PDE4D: variants seen among roughly 807,000 people sequenced by gnomAD.
PDE4D encodes the protein phosphodiesterase 4D, also known as 3',5'-cyclic-AMP phosphodiesterase 4D.
In PDE4D, 24 loss-of-function variants were observed where a neutral mutation model predicts 87.4. The observed-to-expected ratio is 0.27, with a 90% CI of 0.20 to 0.39. PDE4D has a LOEUF of 0.39. Ranked by LOEUF, PDE4D falls within the 10% of genes least tolerant of loss-of-function variation. The probability of loss-of-function intolerance (pLI) is 1.00; values close to 1 mark genes in which losing one functional copy is unlikely to be tolerated. For missense variants in PDE4D, 714 were observed against 1,041.0 expected, an observed-to-expected ratio of 0.69 and a Z score of 4.32; for synonymous variants, 384 against 383.2, an observed-to-expected ratio of 1.00 and a Z score of -0.02.
chr5:60,382,555 T>C (rs1561190936), intron 1 of PDE4D, among the ~76,000 whole-genome samples: 1 of 152,212 alleles, frequency 6.6e-6, no homozygotes, highest in Admixed American at 6.5e-5. Flanking sequence ...TATTCTTCTA[T>C]GGAAGAACAT....
intron 1 of PDE4D, among the ~76,000 whole-genome samples, chr5:60,340,986 T>C (rs1316249744): frequency 2.6e-5 from 4 of 152,210 alleles, no homozygotes; most frequent in Non-Finnish European, 5.9e-5. Context: ...AGAGCTGTTT[T>C]ATTATACAAC....
At chr5:59,538,135 A>T (rs973928773) in intron 1 of PDE4D, among the ~76,000 whole-genome samples, 1 of 152,200 alleles carries the variant, frequency 6.6e-6, no homozygotes, top group Non-Finnish European at 1.5e-5. Flanking sequence ...TGTGCAGAAA[A>T]ATTCTGCAAT....
intron 1 of PDE4D, among the ~76,000 whole-genome samples, chr5:60,499,120 A>G (rs1006782069): frequency 6.6e-6 from 1 of 152,204 alleles, no homozygotes; most frequent in Admixed American, 6.5e-5. Flanking sequence ...ATTTTTGTGA[A>G]CCCTTTAGAT....
At chr5:59,775,211 G>A (rs192644139) in intron 1 of PDE4D, among the ~76,000 whole-genome samples, 51 of 152,132 alleles carry the variant, frequency 3.4e-4, no homozygotes, top group African/African-American at 1.1e-3. Flanking sequence ...GCCACTAAAT[G>A]TTTAACATAT....
At chr5:60,088,734 A>C (rs1275772455) in intron 2 of PDE4D, among the ~76,000 whole-genome samples, 1 of 151,340 alleles carries the variant, frequency 6.6e-6, no homozygotes, top group Non-Finnish European at 1.5e-5. Flanking sequence ...CGAAAGTAAG[A>C]GAGAGAGAGA....
intron 5 of PDE4D, among the ~76,000 whole-genome samples, chr5:59,128,891 C>A (rs1343416283): frequency 6.6e-6 from 1 of 152,152 alleles, no homozygotes; most frequent in East Asian, 1.9e-4. Flanking sequence ...ACCCTTCTAC[C>A]TTTAAGTGAG....
intron 1 of PDE4D, among the ~76,000 whole-genome samples, chr5:59,743,015 T>C (rs1429145094): frequency 6.6e-6 from 1 of 152,156 alleles, no homozygotes; most frequent in Non-Finnish European, 1.5e-5. Context: ...AGAGCAATCA[T>C]TACACCAGTA....
chr5:59,207,054 ATACCCC>A (rs1361089897), intron 2 of PDE4D, among the ~76,000 whole-genome samples: 16 of 152,146 alleles, frequency 1.1e-4, no homozygotes, highest in African/African-American at 3.9e-4. Context: ...GTGTGGTAGC[ATACCCC>A]TGTGTTTGGG....
chr5:59,181,504 A>G (rs1214371563), intron 4 of PDE4D, among the ~76,000 whole-genome samples: 1 of 144,600 alleles, frequency 6.9e-6, no homozygotes, highest in African/African-American at 2.6e-5. Context: ...TTAAAATATA[A>G]TGATTAAAAA....
intron 1 of PDE4D, among the ~76,000 whole-genome samples, chr5:59,336,600 T>A (rs1212730362): frequency 6.6e-6 from 1 of 152,180 alleles, no homozygotes; most frequent in Non-Finnish European, 1.5e-5. Flanking sequence ...AACTGCTTAC[T>A]CACATGACCT....
At chr5:59,175,053 C>T (rs573266998) in intron 5 of PDE4D, among the ~76,000 whole-genome samples, 16 of 152,182 alleles carry the variant, frequency 1.1e-4, no homozygotes, top group Non-Finnish European at 1.6e-4. Context: ...TAAGGTTGTT[C>T]GAAAATGAAA....
chr5:59,348,729 A>G (rs1353352833), intron 1 of PDE4D, among the ~76,000 whole-genome samples: 1 of 148,918 alleles, frequency 6.7e-6, no homozygotes, highest in Non-Finnish European at 1.5e-5. Flanking sequence ...TACTCTATTC[A>G]CAATCCATCT....
At chr5:59,965,002 A>G (rs1581940138) in intron 3 of PDE4D, among the ~76,000 whole-genome samples, 1 of 152,210 alleles carries the variant, frequency 6.6e-6, no homozygotes, top group East Asian at 1.9e-4. Context: ...TTAAAGTTTT[A>G]AAAAAAGAAC....
At chr5:60,416,823 A>G (rs2150078380) in intron 1 of PDE4D, among the ~76,000 whole-genome samples, 1 of 152,344 alleles carries the variant, frequency 6.6e-6, no homozygotes, top group South Asian at 2.1e-4. Flanking sequence ...GGGAATCTGA[A>G]TAACTTTGTG....
At chr5:59,391,836 C>T (rs1470422931) in intron 1 of PDE4D, among the ~76,000 whole-genome samples, 1 of 151,748 alleles carries the variant, frequency 6.6e-6, no homozygotes, top group Non-Finnish European at 1.5e-5. Flanking sequence ...AATTCCACCA[C>T]CCACCACACA....
At chr5:59,380,963 G>C (rs1003513262) in intron 1 of PDE4D, among the ~76,000 whole-genome samples, 1 of 152,128 alleles carries the variant, frequency 6.6e-6, no homozygotes, top group Admixed American at 6.5e-5. Context: ...CTCTGCAACA[G>C]CAGAGTTGAG....
intron 2 of PDE4D, among the ~76,000 whole-genome samples, chr5:60,156,224 CTGTT>C (rs1781966536): frequency 6.6e-6 from 1 of 152,216 alleles, no homozygotes; most frequent in Non-Finnish European, 1.5e-5. Flanking sequence ...GGCCTCGCTA[CTGTT>C]TGTTTATCGT....
intron 1 of PDE4D, among the ~76,000 whole-genome samples, chr5:59,611,349 C>T (rs573203104): frequency 6.6e-6 from 1 of 152,268 alleles, no homozygotes; most frequent in Non-Finnish European, 1.5e-5. Context: ...CCCAAAGCCC[C>T]ACTTCCTAAT....
At chr5:60,037,736 T>C (rs1002926424) in intron 2 of PDE4D, among the ~76,000 whole-genome samples, 1 of 152,192 alleles carries the variant, frequency 6.6e-6, no homozygotes, top group Non-Finnish European at 1.5e-5. Flanking sequence ...CCTATTTATG[T>C]GCAATATTGT....
Sources: allele counts gnomAD v4.1 joint callset (sites outside exome capture counted in the v4.1 genomes callset), GRCh38; gene constraint gnomAD v4.1.1; transcripts MANE v1.5; gene names NCBI Gene and HGNC (gene_info 2026-07-23, HGNC 2026-07-21).